FOXP2: variants seen among roughly 807,000 people sequenced by gnomAD.
FOXP2 encodes forkhead box protein P2.
Under a neutral mutation model 115.8 loss-of-function variants are expected in FOXP2, and 12 were observed. The observed-to-expected ratio is 0.10, with a 90% CI of 0.07 to 0.17. FOXP2 has a LOEUF of 0.17. FOXP2 is among the 10% of genes least tolerant of loss of function. The pLI is 1.00. For missense variants in FOXP2, 629 were observed against 843.5 expected, an observed-to-expected ratio of 0.75 and a Z score of 3.15; for synonymous variants, 328 against 297.7, an observed-to-expected ratio of 1.10 and a Z score of -1.05.
intron 2 of FOXP2, among the ~76,000 whole-genome samples, chr7:114,377,012 G>C (rs28431297): frequency 2.3e-4 from 35 of 152,016 alleles, no homozygotes; most frequent in Admixed American, 1.8e-3. Context: ...AACTGATAAA[G>C]TGCAGGACAG....
rs929961551 is a variant in FOXP2, at chr7:114,689,944, C to A, written c.*18C>A. Reference sequence around the variant, plus strand: ...TGGAATGAGAACTGACTTGTGAAACCTCAGCGTGAAGGGACATATCACTGA... The same window carrying A: ...TGGAATGAGAACTGACTTGTGAAACATCAGCGTGAAGGGACATATCACTGA... On this transcript the variant is annotated 3_prime_UTR_variant, in exon 17 of 17. Coordinates refer to ENST00000350908, the MANE Select transcript of FOXP2 (RefSeq NM_014491.4). 1.2e-6 allele frequency: 2 copies of A among 1,612,164 alleles called. No homozygotes were observed. The highest frequency in any genetic ancestry group is 1.7e-6 in the Non-Finnish European group (2 of 1,178,980).
chr7:114,600,161 T>C (rs1357402022), intron 3 of FOXP2, among the ~76,000 whole-genome samples: 2 of 152,192 alleles, frequency 1.3e-5, no homozygotes, highest in African/African-American at 2.4e-5. Flanking sequence ...AAATCCCCTG[T>C]ATTCCACCTT....
rs1490910184 is a variant in FOXP2 at position 114,242,538 on chromosome 7, G to T, written c.-101-45481G>T. ...CTCATAACCATTATTAATTGGACTA[G>T]AGATCATCCTCCAGGATTGACAACT... On this transcript the variant is annotated intron_variant, in intron 1 of 17. Transcript: ENST00000634411. Among the ~76,000 whole-genome samples the T allele has an allele frequency of 1.7e-4, 26 of 152,164 alleles. 1 individual carries two copies. The highest frequency in any genetic ancestry group is 6.2e-4 in the South Asian group (3 of 4,820).
At chr7:114,223,522 A>G (rs1447122843) in intron 1 of FOXP2, among the ~76,000 whole-genome samples, 1 of 147,506 alleles carries the variant, frequency 6.8e-6, no homozygotes, top group Non-Finnish European at 1.5e-5. Context: ...TATATATAAT[A>G]TGTATATATA....
intron 2 of FOXP2, among the ~76,000 whole-genome samples, chr7:114,312,745 T>C (rs545212168): frequency 1.5e-3 from 223 of 152,328 alleles, no homozygotes; most frequent in Admixed American, 5.6e-3. Context: ...AGATGGATGC[T>C]GTGTATGCAG....
intron 2 of FOXP2, among the ~76,000 whole-genome samples, chr7:114,516,427 T>C (rs927759902): frequency 6.6e-6 from 1 of 152,164 alleles, no homozygotes; most frequent in African/African-American, 2.4e-5. Context: ...GATTAAAGAC[T>C]GAAACGTTAC....
chr7:114,231,229 A>G (rs62469196), intron 1 of FOXP2, among the ~76,000 whole-genome samples: 11,223 of 152,196 alleles, frequency 0.074, 611 homozygotes, highest in African/African-American at 0.15. Context: ...AAAGAATTGA[A>G]GAGACAAATA....
intron 3 of FOXP2, among the ~76,000 whole-genome samples, 162 bp from the exon 4 acceptor site, chr7:114,628,378 A>G (rs1804709256): frequency 6.6e-6 from 1 of 152,210 alleles, no homozygotes; most frequent in Admixed American, 6.5e-5. Flanking sequence ...GTTTTGTGAT[A>G]CTTTAGTACT....
chr7:114,191,993 T>C (rs1793771741), intron 1 of FOXP2, among the ~76,000 whole-genome samples: 1 of 152,128 alleles, frequency 6.6e-6, no homozygotes, highest in South Asian at 2.1e-4. Context: ...TTGAGTGTCA[T>C]ATAGTTGGAA....
At chr7:114,612,741 A>G (rs1041613491) in intron 3 of FOXP2, among the ~76,000 whole-genome samples, 1 of 152,208 alleles carries the variant, frequency 6.6e-6, no homozygotes, top group Non-Finnish European at 1.5e-5. Context: ...GGATAGTAGC[A>G]TTGATCAAGT....
intron 3 of FOXP2, among the ~76,000 whole-genome samples, chr7:114,557,873 G>A (rs1364316090): frequency 6.6e-6 from 1 of 151,716 alleles, no homozygotes; most frequent in Admixed American, 6.6e-5. Flanking sequence ...GCAGTGGCCC[G>A]ATCTCAGCTC....
chr7:114,671,314 C>G (rs1353989842), intron 16 of FOXP2, among the ~76,000 whole-genome samples: 1 of 152,002 alleles, frequency 6.6e-6, no homozygotes, highest in East Asian at 1.9e-4. Context: ...AAAGATCCTC[C>G]CAGAGATACA....
At chr7:114,674,974 C>T (rs1362325626) in intron 16 of FOXP2, among the ~76,000 whole-genome samples, 1 of 151,998 alleles carries the variant, frequency 6.6e-6, no homozygotes, top group Non-Finnish European at 1.5e-5. Context: ...GTGAACTTTT[C>T]TACTTAAAAC....
Position 114,415,075 on chromosome 7 carries a change from C to A in FOXP2, c.-296C>A, listed in dbSNP as rs1421322178. On this transcript the variant is annotated 5_prime_UTR_variant, in exon 1 of 17. Coordinates refer to ENST00000350908, the MANE Select transcript of FOXP2 (RefSeq NM_014491.4). ...AAATGCTGATTTTGTGTACGATTGT[C>A]CACGGACGCCAAAACAATCACAGAG... is the stretch of plus-strand genomic sequence containing the variant. 1 of 454,170 alleles carries A rather than the reference C, an allele frequency of 2.2e-6. No homozygotes were observed. The highest frequency in any genetic ancestry group is 2.4e-5 in the Admixed American group (1 of 42,536). 28.1% of individuals were successfully genotyped at this position (454,170 alleles called of 1,614,324 possible).
Position 114,659,458 on chromosome 7 carries a change from C to A in FOXP2, c.1545+26C>A. On this transcript the variant is annotated intron_variant, in intron 12 of 16. Coordinates refer to ENST00000350908, the MANE Select transcript of FOXP2 (RefSeq NM_014491.4). ...GTAAGTAGAAGGAAAATTAACTTTG[C>A]CTGATTAAATTAAAATTCATTAATG... The A allele has an allele frequency of 3.1e-6, 5 of 1,602,684 alleles. No individual in the cohort carries two copies. In the Middle Eastern group the frequency reaches 5.0e-4, roughly 160 times the overall value.
intron 3 of FOXP2, among the ~76,000 whole-genome samples, chr7:114,591,070 A>G (rs1303385438): frequency 6.6e-6 from 1 of 152,086 alleles, no homozygotes; most frequent in Non-Finnish European, 1.5e-5. Context: ...TTCTTTCCAT[A>G]TGTGCCAAAG....
chr7:114,122,115 A>T (rs958571922), intron 1 of FOXP2, among the ~76,000 whole-genome samples: 1 of 152,096 alleles, frequency 6.6e-6, no homozygotes, highest in African/African-American at 2.4e-5. Flanking sequence ...GATTTTCTTC[A>T]TAAACTTGAA....
intron 2 of FOXP2, among the ~76,000 whole-genome samples, chr7:114,312,907 G>C (rs1797181283): frequency 6.6e-6 from 1 of 152,002 alleles, no homozygotes; most frequent in African/African-American, 2.4e-5. Context: ...AGCAATCAAG[G>C]GCTTCTTGGC....
chr7:114,223,413 T>C (rs1279549551), intron 1 of FOXP2, among the ~76,000 whole-genome samples: 2 of 149,864 alleles, frequency 1.3e-5, no homozygotes, highest in Non-Finnish European at 1.5e-5. Flanking sequence ...GTTTTTTTTG[T>C]CGCTTTCCCA....
Sources: gnomAD v4.1 joint callset for allele counts (sites outside exome capture counted in the v4.1 genomes callset) on GRCh38, gnomAD v4.1.1 for gene constraint, MANE v1.5 for transcripts, NCBI Gene and HGNC (gene_info 2026-07-23, HGNC 2026-07-21) for gene names.